Variants in CRISPLD1 observed in about 807,000 individuals in gnomAD.
CRISPLD1 encodes cysteine-rich secretory protein LCCL domain-containing 1.
In CRISPLD1, 60 loss-of-function variants were observed where a neutral mutation model predicts 77.5. The observed-to-expected ratio is 0.77, with a 90% confidence interval of 0.63 to 0.96. CRISPLD1 has a LOEUF of 0.96. Among genes scored for constraint, CRISPLD1 ranks in the 40% least tolerant of loss-of-function variants. The pLI, the probability that CRISPLD1 is intolerant of heterozygous loss-of-function variation, is 0.00. For missense variants in CRISPLD1, 623 were observed against 615.8 expected, an observed-to-expected ratio of 1.01 and a Z score of -0.12; for synonymous variants, 195 against 200.1, an observed-to-expected ratio of 0.97 and a Z score of 0.22.
chr8:75,010,370 A>G (rs1038886822), intron 2 of CRISPLD1, among the ~76,000 whole-genome samples: 1 of 152,066 alleles, frequency 6.6e-6, no homozygotes, highest in African/African-American at 2.4e-5. Context: ...ACATGATTAG[A>G]TTCCCTGTAT....
intron 2 of CRISPLD1, among the ~76,000 whole-genome samples, chr8:75,003,730 T>C (rs1812783617): frequency 6.6e-6 from 1 of 151,714 alleles, no homozygotes; most frequent in Non-Finnish European, 1.5e-5. Context: ...TTACTAAAGA[T>C]TTTCTTGATA....
chr8:75,003,742 G>C (rs1244700029), intron 2 of CRISPLD1, among the ~76,000 whole-genome samples: 1 of 151,102 alleles, frequency 6.6e-6, no homozygotes, highest in East Asian at 1.9e-4. Flanking sequence ...TTCTTGATAA[G>C]TGAGTTAGGT....
chr8:75,030,396 A>G (rs1813313616), intron 14 of CRISPLD1, among the ~76,000 whole-genome samples: 1 of 152,134 alleles, frequency 6.6e-6, no homozygotes, highest in African/African-American at 2.4e-5. Flanking sequence ...CAACCTGCTC[A>G]TGGCCTCCTT....
rs1812467007 is a variant in CRISPLD1 at position 74,984,574 on chromosome 8, T to TCCGCCGCCGAGCCTCGTTCGTGTCC, written c.-403_-379dup. ...CAGGAGCAAGAGGTCGCCGCCAGCC[T>TCCGCCGCCGAGCCTCGTTCGTGTCC]CCGCCGCCGAGCCTCGTTCGTGTCC... On this transcript the variant is annotated 5_prime_UTR_variant, in exon 1 of 15. Coordinates refer to ENST00000262207, the MANE Select transcript of CRISPLD1 (RefSeq NM_031461.6). 1 of 152,576 alleles carries TCCGCCGCCGAGCCTCGTTCGTGTCC rather than the reference T, an allele frequency of 6.6e-6. No individual in the cohort carries two copies. Among genetic ancestry groups the TCCGCCGCCGAGCCTCGTTCGTGTCC allele is most frequent in the African/African-American group, 2.4e-5 (1 of 41,460 alleles). The allele number at this position is 152,576 out of a possible 1,614,324, so 9.5% of individuals were successfully genotyped here.
chr8:75,005,261 CTG>C (rs1812809011), intron 2 of CRISPLD1, among the ~76,000 whole-genome samples: 1 of 152,054 alleles, frequency 6.6e-6, no homozygotes. Flanking sequence ...ATCTAAGAGA[CTG>C]TGAAGTACAA....
At position 75,033,033 on chromosome 8, in the gene CRISPLD1, A is replaced by G. The variant is rs1007105809; in HGVS notation, c.*791A>G. ...AATACTCCTGCAGGCCAGGAAGTAT[A>G]ATAGCAAAAAGTTGAACAAAGATGA... is the stretch of plus-strand genomic sequence containing the variant. On this transcript the variant is annotated 3_prime_UTR_variant, in exon 15 of 15. Coordinates refer to ENST00000262207, the MANE Select transcript of CRISPLD1 (RefSeq NM_031461.6). The G allele has an allele frequency of 1.3e-5, 2 of 152,348 alleles. No homozygotes were observed. The highest frequency in any genetic ancestry group is 4.8e-5 in the African/African-American group (2 of 41,434). The allele number at this position is 152,348 out of a possible 1,614,324, so 9.4% of individuals were successfully genotyped here. A position where few individuals can be genotyped will look rare whatever the true frequency, so the allele number is the denominator to read the frequency against.
chr8:75,024,936 G>A (rs746151018), intron 12 of CRISPLD1, among the ~76,000 whole-genome samples: 18 of 152,086 alleles, frequency 1.2e-4, no homozygotes, highest in South Asian at 2.1e-4. Context: ...GGAAGCCTAC[G>A]GAAAGAAACA....
chr8:75,026,173 C>T (rs1587030128), intron 13 of CRISPLD1, among the ~76,000 whole-genome samples: 2 of 152,274 alleles, frequency 1.3e-5, no homozygotes, highest in Middle Eastern at 3.4e-3. Flanking sequence ...TAACCTCAAA[C>T]TCGGGCTCAA....
At chr8:75,009,523 C>T (rs1303790309) in intron 2 of CRISPLD1, among the ~76,000 whole-genome samples, 1 of 151,516 alleles carries the variant, frequency 6.6e-6, no homozygotes, top group Non-Finnish European at 1.5e-5. Context: ...TTTAGACTTC[C>T]AGGAACTGTT....
chr8:75,002,802 A>G (rs1042386946), intron 2 of CRISPLD1, among the ~76,000 whole-genome samples: 6 of 152,172 alleles, frequency 3.9e-5, no homozygotes, highest in Non-Finnish European at 4.4e-5. Context: ...ATGTGGAGCT[A>G]TCTCGTGAGA....
chr8:75,019,056 G>A (rs1376199106), intron 10 of CRISPLD1, among the ~76,000 whole-genome samples: 1 of 152,076 alleles, frequency 6.6e-6, no homozygotes, highest in Non-Finnish European at 1.5e-5. Flanking sequence ...TTACTTTTTA[G>A]TTATCTCTAT....
Position 75,032,357 on chromosome 8 carries a change from G to C in CRISPLD1, c.*115G>C. ...ACATCAACTATTTTCAGCCCAAAAA[G>C]GTGCCAAATGCATATAAATCTTGAT... On this transcript the variant is annotated 3_prime_UTR_variant, in exon 15 of 15. Coordinates refer to ENST00000262207, the MANE Select transcript of CRISPLD1 (RefSeq NM_031461.6). The C allele has an allele frequency of 1.7e-6, 1 of 587,854 alleles. No individual in the cohort carries two copies. The highest frequency in any genetic ancestry group is 2.8e-6 in the Non-Finnish European group (1 of 357,052). 36.4% of individuals were successfully genotyped at this position (587,854 alleles called of 1,614,324 possible).
chr8:75,014,960 C>A, intron 6 of CRISPLD1, 48 bp downstream of exon 6: 1 of 1,259,490 alleles, frequency 7.9e-7, no homozygotes, highest in Non-Finnish European at 1.1e-6. Context: ...TATTTTAATC[C>A]AGCTCCTGCA....
intron 6 of CRISPLD1, 35 bp from the exon 7 acceptor site, chr8:75,016,530 G>C (rs1459581032): frequency 3.2e-6 from 5 of 1,573,980 alleles, no homozygotes; most frequent in Non-Finnish European, 4.3e-6. Flanking sequence ...ATGTAAAATA[G>C]GGTTAATATT....
At chr8:75,010,731 T>G (rs1179946953) in intron 2 of CRISPLD1, among the ~76,000 whole-genome samples, 1 of 152,110 alleles carries the variant, frequency 6.6e-6, no homozygotes, top group Non-Finnish European at 1.5e-5. Context: ...TTGCCTGGCT[T>G]CTTTTGTTAT....
intron 2 of CRISPLD1, among the ~76,000 whole-genome samples, chr8:75,000,655 C>CTGACTT (rs1326572366): frequency 2.1e-4 from 32 of 152,124 alleles, no homozygotes; most frequent in African/African-American, 7.7e-4. Context: ...GTTAGGTGCC[C>CTGACTT]CCAGACTCAG....
chr8:75,014,015 G>T lies in CRISPLD1; in HGVS notation c.539G>T (p.Gly180Val). 1 of 1,613,036 alleles carries T rather than the reference G, an allele frequency of 6.2e-7. No homozygotes were observed. Among genetic ancestry groups the T allele is most frequent in the Non-Finnish European group, 8.5e-7 (1 of 1,179,352 alleles). The change falls in exon 5 of 15, where the codon GGT (glycine) becomes GTT (valine). Residue 180 changes from glycine (G) to valine (V), a missense_variant. Coordinates refer to ENST00000262207, the MANE Select transcript of CRISPLD1 (RefSeq NM_031461.6). ...QVVWATSNRI[G>V]CAINLCHNMN... ...GTGTGGGCAACTAGTAACAGAATCGGTTGTGCCATTAATTTGTGTCATAAC... is the reference window on the plus strand; with the variant it reads ...GTGTGGGCAACTAGTAACAGAATCGTTTGTGCCATTAATTTGTGTCATAAC...
Position 75,029,531 on chromosome 8 carries a change from A to ATG in CRISPLD1, c.1451+15_1451+16insGT. The ATG allele has an allele frequency of 1.9e-6, 3 of 1,606,274 alleles. 1 individual carries two copies. The African/African-American group carries it at 4.0e-5, about 21-fold the overall frequency. ...CTTCTCAGAAAGGTAAAAACAAAAC[A>ATG]TATGTATGTATACTTTTAAATACCA... On this transcript the variant is annotated intron_variant, in intron 14 of 14. Coordinates refer to ENST00000262207, the MANE Select transcript of CRISPLD1 (RefSeq NM_031461.6).
chr8:75,030,680 A>ATGTGTGTGTGTG (rs34737814), intron 14 of CRISPLD1, among the ~76,000 whole-genome samples: 3 of 146,464 alleles, frequency 2.0e-5, no homozygotes, highest in East Asian at 2.0e-4. Context: ...CCGGAGATAT[A>ATGTGTGTGTGTG]TGTGTGTGTG....
Sources: allele counts gnomAD v4.1 joint callset (sites outside exome capture counted in the v4.1 genomes callset), GRCh38; gene constraint gnomAD v4.1.1; transcripts MANE v1.5; gene names NCBI Gene and HGNC (gene_info 2026-07-23, HGNC 2026-07-21).